EVL: variants seen among roughly 807,000 people sequenced by gnomAD.
The protein encoded by EVL is ena/VASP-like protein.
Under a neutral mutation model 59.6 loss-of-function variants are expected in EVL, and 21 were observed. That is an observed-to-expected ratio of 0.35 (90% CI 0.25 to 0.51). The LOEUF (loss-of-function observed/expected upper bound fraction) is 0.51. Among genes scored for constraint, EVL ranks in the 20% least tolerant of loss-of-function variants. The probability of loss-of-function intolerance (pLI) is 0.97; values close to 1 mark genes in which losing one functional copy is unlikely to be tolerated. For missense variants in EVL, 462 were observed against 546.6 expected, an observed-to-expected ratio of 0.85 and a Z score of 1.54; for synonymous variants, 198 against 203.5, an observed-to-expected ratio of 0.97 and a Z score of 0.23.
chr14:100,005,660 CA>C (rs2060973965), intron 1 of EVL, among the ~76,000 whole-genome samples: 2 of 151,728 alleles, frequency 1.3e-5, no homozygotes, highest in Admixed American at 6.6e-5. Flanking sequence ...CACACACACA[CA>C]CACACACACC....
At chr14:100,058,370 C>CTCAT (rs779157728) in intron 1 of EVL, among the ~76,000 whole-genome samples, 11 of 152,288 alleles carry the variant, frequency 7.2e-5, no homozygotes, top group East Asian at 1.9e-4. Flanking sequence ...GCCCGTCTTC[C>CTCAT]TCATTCATTC....
intron 9 of EVL, 71 bp downstream of exon 9, chr14:100,136,039 A>G: frequency 6.5e-7 from 1 of 1,544,330 alleles, no homozygotes; most frequent in Non-Finnish European, 8.9e-7. Context: ...CCCTTCGGAC[A>G]GGACCCTCTG....
At chr14:99,990,019 A>G (rs2060865289) in intron 1 of EVL, among the ~76,000 whole-genome samples, 1 of 152,198 alleles carries the variant, frequency 6.6e-6, no homozygotes, top group Non-Finnish European at 1.5e-5. Context: ...ACAACACCCA[A>G]GAATTAAAAT....
chr14:100,042,574 A>C (rs973120395), intron 1 of EVL, among the ~76,000 whole-genome samples: 3 of 152,158 alleles, frequency 2.0e-5, no homozygotes, highest in Admixed American at 6.5e-5. Flanking sequence ...CAGGGTGAGC[A>C]TGCCGTGAGG....
At chr14:100,039,135 A>G (rs1421009391) in intron 1 of EVL, among the ~76,000 whole-genome samples, 1 of 152,210 alleles carries the variant, frequency 6.6e-6, no homozygotes, top group East Asian at 1.9e-4. Flanking sequence ...GGAGACAAAT[A>G]TTTTAAAAAT....
At chr14:99,998,744 T>C (rs1162244859) in intron 1 of EVL, among the ~76,000 whole-genome samples, 1 of 152,090 alleles carries the variant, frequency 6.6e-6, no homozygotes, top group African/African-American at 2.4e-5. Flanking sequence ...TTTACTAGCG[T>C]TTATGTATGG....
At chr14:100,142,552 C>T (rs553833985) in intron 13 of EVL, among the ~76,000 whole-genome samples, 1 of 152,224 alleles carries the variant, frequency 6.6e-6, no homozygotes, top group Non-Finnish European at 1.5e-5. Context: ...CTGGGTCTGG[C>T]CCCCAGGGCA....
intron 1 of EVL, chr14:100,074,377 C>G (rs1302436497): frequency 6.6e-6 from 1 of 152,180 alleles, no homozygotes; most frequent in African/African-American, 2.4e-5. Context: ...TGTCCTTTTT[C>G]AAGATAGTAT....
intron 1 of EVL, among the ~76,000 whole-genome samples, chr14:100,082,178 C>T (rs940908047): frequency 6.6e-6 from 1 of 151,666 alleles, no homozygotes; most frequent in African/African-American, 2.4e-5. Flanking sequence ...GTCCCCCCCT[C>T]CCCCGCATCC....
At chr14:100,070,439 A>T (rs917184519) in intron 1 of EVL, among the ~76,000 whole-genome samples, 1 of 152,028 alleles carries the variant, frequency 6.6e-6, no homozygotes, top group Admixed American at 6.5e-5. Flanking sequence ...GGCCCTCCTG[A>T]TCTCTATTTT....
At chr14:100,073,051 G>A (rs1455812194) in intron 1 of EVL, among the ~76,000 whole-genome samples, 3 of 152,034 alleles carry the variant, frequency 2.0e-5, no homozygotes, top group East Asian at 1.9e-4. Context: ...TCTGTTTCTC[G>A]GTCACTGAAT....
chr14:99,994,493 A>G lies in EVL; in HGVS notation c.5+22436A>G, dbSNP rs74088207. ...ATTACATAAAACATCTTAAAGTTATAACAATCTACTTCAAACTAATAACAA... is the reference window on the plus strand; with the variant it reads ...ATTACATAAAACATCTTAAAGTTATGACAATCTACTTCAAACTAATAACAA... On this transcript the variant is annotated intron_variant, in intron 1 of 13. Transcript: ENST00000402714. 0.012 allele frequency among the ~76,000 whole-genome samples: 1,757 copies of G among 152,206 alleles called. 82 individuals carry two copies. The East Asian group carries it at 0.16, about 14-fold the overall frequency.
At chr14:100,061,487 C>T (rs907346550), upstream of EVL, among the ~76,000 whole-genome samples, 16 of 134,390 alleles carry the variant, frequency 1.2e-4, no homozygotes, top group African/African-American at 4.3e-4. Flanking sequence ...AAAAAGATAC[C>T]AGGAAATTCA....
intron 8 of EVL, chr14:100,134,786 G>C (rs1411841807): frequency 1.3e-5 from 2 of 152,244 alleles, no homozygotes; most frequent in African/African-American, 4.8e-5. Context: ...GGCCAATGGA[G>C]TTACTGCTCC....
chr14:99,981,522 C>T (rs534704266), intron 1 of EVL, among the ~76,000 whole-genome samples: 1 of 152,070 alleles, frequency 6.6e-6, no homozygotes, highest in Non-Finnish European at 1.5e-5. Context: ...AGATTTTTCC[C>T]CTTTAAAGAG....
intron 1 of EVL, among the ~76,000 whole-genome samples, chr14:99,989,833 C>T (rs538301288): frequency 1.8e-4 from 27 of 152,304 alleles, no homozygotes; most frequent in Admixed American, 1.8e-3. Context: ...TTATCTGTGG[C>T]AGGCGTTCAC....
intron 1 of EVL, among the ~76,000 whole-genome samples, chr14:99,984,520 A>C (rs1273906441): frequency 6.6e-6 from 1 of 152,218 alleles, no homozygotes; most frequent in Non-Finnish European, 1.5e-5. Context: ...AAAATTGAGA[A>C]GGTTGTACAG....
chr14:100,031,876 A>T (rs1219764225), intron 1 of EVL, among the ~76,000 whole-genome samples: 1 of 152,188 alleles, frequency 6.6e-6, no homozygotes, highest in Non-Finnish European at 1.5e-5. Context: ...CCTTTTTGAA[A>T]ATCAACTCTG....
At chr14:100,099,381 C>T (rs1886045761) in intron 3 of EVL, among the ~76,000 whole-genome samples, 1 of 152,104 alleles carries the variant, frequency 6.6e-6, no homozygotes, top group Non-Finnish European at 1.5e-5. Context: ...CATACAAACA[C>T]ACACCCACAC....
Sources: allele counts gnomAD v4.1 joint callset (sites outside exome capture counted in the v4.1 genomes callset), GRCh38; gene constraint gnomAD v4.1.1; transcripts MANE v1.5; gene names NCBI Gene and HGNC (gene_info 2026-07-23, HGNC 2026-07-21).